Variants in RNF130 observed in about 807,000 individuals in gnomAD.
RNF130 encodes E3 ubiquitin-protein ligase RNF130.
RNF130 carries 21 observed loss-of-function variants against 44.6 expected under a neutral mutation model. That is an observed-to-expected ratio of 0.47 (90% CI 0.33 to 0.68). RNF130 has a LOEUF of 0.68. RNF130 is among the 30% of genes least tolerant of loss of function. The pLI, the probability that RNF130 is intolerant of heterozygous loss-of-function variation, is 0.02. For missense variants in RNF130, 479 were observed against 560.6 expected, an observed-to-expected ratio of 0.85 and a Z score of 1.47; for synonymous variants, 214 against 210.4, an observed-to-expected ratio of 1.02 and a Z score of -0.15.
chr5:180,052,822 G>GA (rs1240105375), intron 1 of RNF130, among the ~76,000 whole-genome samples: 3 of 152,116 alleles, frequency 2.0e-5, no homozygotes, highest in African/African-American at 7.2e-5. Flanking sequence ...GCTCACCTGA[G>GA]AAAATAAGAG....
At chr5:180,052,241 G>A (rs1008155400) in intron 1 of RNF130, among the ~76,000 whole-genome samples, 11 of 152,168 alleles carry the variant, frequency 7.2e-5, no homozygotes, top group African/African-American at 2.4e-4. Context: ...GAGCTTTTCT[G>A]TTTAATATTC....
chr5:179,965,422 G>A (rs1311784581), intron 7 of RNF130, among the ~76,000 whole-genome samples: 1 of 152,176 alleles, frequency 6.6e-6, no homozygotes, highest in East Asian at 1.9e-4. Flanking sequence ...TCTGCTAAAG[G>A]TGATTAATTT....
chr5:180,038,274 C>T (rs1764297488), intron 2 of RNF130, among the ~76,000 whole-genome samples: 4 of 151,568 alleles, frequency 2.6e-5, no homozygotes, highest in Non-Finnish European at 4.4e-5. Context: ...AGGCTGGTCT[C>T]GAACTCCTGG....
intron 1 of RNF130, among the ~76,000 whole-genome samples, chr5:180,058,477 CAT>C (rs2113174826): frequency 6.6e-6 from 1 of 152,300 alleles, no homozygotes; most frequent in East Asian, 1.9e-4. Context: ...TAGTCGAATT[CAT>C]AGAGACAGAA....
At chr5:179,960,786 T>C (rs1762309263) in intron 8 of RNF130, among the ~76,000 whole-genome samples, 1 of 151,698 alleles carries the variant, frequency 6.6e-6, no homozygotes, top group African/African-American at 2.4e-5. Context: ...TCTATTTATA[T>C]ATGACTATCT....
chr5:179,933,642 C>T (rs1002059044), intron 7 of RNF130, among the ~76,000 whole-genome samples: 3 of 151,814 alleles, frequency 2.0e-5, no homozygotes, highest in African/African-American at 7.3e-5. Flanking sequence ...CTGCCTCAGC[C>T]TCCCGAGTAG....
At chr5:180,029,251 A>G (rs1319812845) in intron 2 of RNF130, among the ~76,000 whole-genome samples, 1 of 152,258 alleles carries the variant, frequency 6.6e-6, no homozygotes, top group Non-Finnish European at 1.5e-5. Flanking sequence ...TGATTTTGGA[A>G]GATGAACAAC....
At chr5:180,016,448 C>T (rs1306885309) in intron 2 of RNF130, among the ~76,000 whole-genome samples, 1 of 152,224 alleles carries the variant, frequency 6.6e-6, no homozygotes, top group Non-Finnish European at 1.5e-5. Context: ...TATCAAAGCA[C>T]ATTTGGGACA....
intron 2 of RNF130, among the ~76,000 whole-genome samples, chr5:180,036,692 G>A (rs984094850): frequency 6.6e-5 from 10 of 152,080 alleles, no homozygotes; most frequent in Middle Eastern, 3.2e-3. Flanking sequence ...TCTTCACTTC[G>A]TCTTAACCGG....
intron 7 of RNF130, among the ~76,000 whole-genome samples, chr5:179,966,542 G>C (rs72813780): frequency 6.6e-6 from 1 of 152,124 alleles, no homozygotes; most frequent in East Asian, 1.9e-4. Flanking sequence ...TCAAAACAAG[G>C]TTTATAAAAC....
rs75484205 is a variant in RNF130, at chr5:179,986,465, T to C, written c.694-6265A>G. ...GATTCATGATACTGCACTAAACACA[T>C]TGAAAACTATGTGAGAACCACAAGA... On this transcript the variant is annotated intron_variant, in intron 3 of 8. Transcript: ENST00000521389. Among the ~76,000 whole-genome samples the C allele has an allele frequency of 1.4e-3, 213 of 152,326 alleles. 5 individuals are homozygous for C. The East Asian group carries it at 0.036, about 26-fold the overall frequency.
At chr5:180,045,730 T>C (rs919332093) in intron 1 of RNF130, among the ~76,000 whole-genome samples, 14 of 152,090 alleles carry the variant, frequency 9.2e-5, no homozygotes, top group South Asian at 2.1e-4. Flanking sequence ...AGAGTGCCAA[T>C]TGGTGCATTT....
chr5:179,924,392 G>C (rs949057168), intron 7 of RNF130, among the ~76,000 whole-genome samples: 4 of 152,084 alleles, frequency 2.6e-5, no homozygotes, highest in African/African-American at 9.7e-5. Flanking sequence ...CTACTCGGGA[G>C]GCTGAGGCAG....
intron 8 of RNF130, among the ~76,000 whole-genome samples, chr5:179,960,808 G>C (rs1036078282): frequency 2.0e-5 from 3 of 150,634 alleles, no homozygotes; most frequent in Non-Finnish European, 4.4e-5. Context: ...ACAAATGGAT[G>C]AGGTTACCCA....
In RNF130 at chr5:179,955,496, T is replaced by A. The variant is rs1582138509; in HGVS notation, c.*158A>T. The A allele has an allele frequency of 1.4e-5, 8 of 560,650 alleles. No individual in the cohort carries two copies. In the East Asian group the frequency reaches 2.4e-4, roughly 17 times the overall value. 34.7% of individuals were successfully genotyped at this position (560,650 alleles called of 1,614,324 possible). ...AGCACAGACTTTTTATTTTATTATT[T>A]ATTTCTTTTAATACAAAGCTTTGGC... On this transcript the variant is annotated 3_prime_UTR_variant, in exon 9 of 9. Coordinates refer to ENST00000521389, the MANE Select transcript of RNF130 (RefSeq NM_018434.6).
intron 1 of RNF130, among the ~76,000 whole-genome samples, chr5:180,045,021 A>G (rs1202842891): frequency 6.6e-6 from 1 of 152,162 alleles, no homozygotes; most frequent in African/African-American, 2.4e-5. Flanking sequence ...GCAGCCAGGA[A>G]GGAGGTGGAT....
chr5:180,062,055 CTTTTTT>C (rs901554822), intron 1 of RNF130, among the ~76,000 whole-genome samples: 1 of 134,940 alleles, frequency 7.4e-6, no homozygotes, highest in Non-Finnish European at 1.6e-5. Flanking sequence ...CCCCCAGCCT[CTTTTTT>C]TTTTTTTTTT....
chr5:180,053,581 T>A (rs1360884707), intron 1 of RNF130, among the ~76,000 whole-genome samples: 1 of 152,168 alleles, frequency 6.6e-6, no homozygotes, highest in Admixed American at 6.5e-5. Context: ...TTGCCAGTAA[T>A]GATAGGAACA....
Position 179,966,917 on chromosome 5 carries a change from C to T in RNF130, c.1039G>A (p.Ala347Thr), listed in dbSNP as rs777553273. The T allele has an allele frequency of 5.6e-6, 9 of 1,614,092 alleles. No individual in the cohort carries two copies. The highest frequency in any genetic ancestry group is 1.7e-5 in the Admixed American group (1 of 60,006). Residue 347 changes from alanine (A) to threonine (T), a missense_variant, in exon 7 of 9, where the codon GCC (alanine) becomes ACC (threonine). By Grantham distance (58) the Ala-to-Thr change is moderately conservative (BLOSUM62 0). Around this residue, in one of 3 missense-constraint regions of RNF130, gnomAD observed 161 missense variants for 158.6 expected, o/e 1.02. Coordinates refer to ENST00000521389, the MANE Select transcript of RNF130 (RefSeq NM_018434.6). ...TCAAGGCCAAGGGAGTTGTCGCCGG[C>T]GAGGTCGCCGAGGGCTGATCTTCGG... ...VNRRSALGDL[A>T]GDNSLGLEPL...
Sources: allele counts gnomAD v4.1 joint callset (sites outside exome capture counted in the v4.1 genomes callset), GRCh38; gene constraint gnomAD v4.1.1; regional missense constraint gnomAD v4.1.1; transcripts MANE v1.5; gene names NCBI Gene and HGNC (gene_info 2026-07-23, HGNC 2026-07-21).